ZMYM4: variants seen among roughly 807,000 people sequenced by gnomAD.
ZMYM4 encodes zinc finger MYM-type containing 4.
In ZMYM4, 31 loss-of-function variants were observed where a neutral mutation model predicts 183.2. The ratio of observed to expected loss-of-function variants is 0.17; its 90% confidence interval spans 0.13 to 0.23. The LOEUF (loss-of-function observed/expected upper bound fraction) is 0.23, where lower values mean the gene tolerates loss of function less well. ZMYM4 is among the 10% of genes least tolerant of loss of function. The pLI is 1.00. For synonymous variants in ZMYM4, 592 were observed against 631.2 expected, an observed-to-expected ratio of 0.94 and a Z score of 0.93; for missense variants, 1,273 against 1,840.3, an observed-to-expected ratio of 0.69 and a Z score of 5.64.
chr1:35,269,019 G>T lies in ZMYM4; in HGVS notation c.-28G>T, dbSNP rs1299123134. ...AGGTACCGCCGCCACCGCGCGGGGA[G>T]CCGCAGCGGTTCCGAGCGGGGCCCA... On this transcript the variant is annotated 5_prime_UTR_variant, in exon 1 of 30. Coordinates refer to ENST00000314607, the MANE Select transcript of ZMYM4 (RefSeq NM_005095.3). 2.0e-6 allele frequency: 3 copies of T among 1,527,934 alleles called. No homozygotes were observed. The highest frequency in any genetic ancestry group is 2.0e-5 in the Admixed American group (1 of 49,048). 94.6% of individuals were successfully genotyped at this position (1,527,934 alleles called of 1,614,324 possible). A position where few individuals can be genotyped will look rare whatever the true frequency, so the allele number is the denominator to read the frequency against.
At chr1:35,402,308 T>C (rs1012226742) in intron 23 of ZMYM4, among the ~76,000 whole-genome samples, 3 of 152,116 alleles carry the variant, frequency 2.0e-5, no homozygotes, top group African/African-American at 7.2e-5. Context: ...CTGTTGTAAA[T>C]TGTATTATTT....
In ZMYM4 at chr1:35,420,532, A is replaced by G. The variant is rs930071749; in HGVS notation, c.*855A>G. Reference sequence around the variant, plus strand: ...TGTCTCACAGCCTGAGCTGTGGTACAGAGAAATGGGGGTTCTCCTTTTATT... The same window carrying G: ...TGTCTCACAGCCTGAGCTGTGGTACGGAGAAATGGGGGTTCTCCTTTTATT... On this transcript the variant is annotated 3_prime_UTR_variant, in exon 30 of 30. Coordinates refer to ENST00000314607, the MANE Select transcript of ZMYM4 (RefSeq NM_005095.3). The G allele has an allele frequency of 6.6e-6, 1 of 152,648 alleles. No homozygotes were observed. The highest frequency in any genetic ancestry group is 1.5e-5 in the Non-Finnish European group (1 of 68,042). The allele number at this position is 152,648 out of a possible 1,614,324, so 9.5% of individuals were successfully genotyped here.
chr1:35,285,367 A>G (rs1323163913), intron 1 of ZMYM4, among the ~76,000 whole-genome samples: 1 of 152,070 alleles, frequency 6.6e-6, no homozygotes, highest in Non-Finnish European at 1.5e-5. Context: ...TGTTTTGTAC[A>G]GGTCTTTTAG....
intron 3 of ZMYM4, among the ~76,000 whole-genome samples, chr1:35,360,280 C>T (rs1287679117): frequency 6.6e-6 from 1 of 151,984 alleles, no homozygotes; most frequent in Non-Finnish European, 1.5e-5. Context: ...ACCTTACCTA[C>T]TAGTGTAGGA....
intron 1 of ZMYM4, among the ~76,000 whole-genome samples, chr1:35,303,046 G>A (rs1449337532): frequency 9.2e-5 from 14 of 151,586 alleles, no homozygotes. Context: ...AGGTTGAGGT[G>A]GGAGGATCAC....
chr1:35,275,086 G>C (rs1246960295), intron 1 of ZMYM4, among the ~76,000 whole-genome samples: 1 of 152,080 alleles, frequency 6.6e-6, no homozygotes, highest in African/African-American at 2.4e-5. Flanking sequence ...AAGTTAACTT[G>C]TTCCCTAAGA....
At chr1:35,406,356 A>C (rs1645002916) in intron 25 of ZMYM4, among the ~76,000 whole-genome samples, 2 of 152,070 alleles carry the variant, frequency 1.3e-5, no homozygotes, top group South Asian at 2.1e-4. Flanking sequence ...AGCATGTTTT[A>C]AGTTAAAAGA....
chr1:35,346,650 C>CAAAAAAA (rs746472685), intron 2 of ZMYM4, among the ~76,000 whole-genome samples: 3 of 54,146 alleles, frequency 5.5e-5, no homozygotes, highest in African/African-American at 9.4e-5. Context: ...GACTCCATCT[C>CAAAAAAA]AAAAAAAAAA....
chr1:35,276,578 G>C (rs141230490), intron 1 of ZMYM4, among the ~76,000 whole-genome samples: 1 of 151,938 alleles, frequency 6.6e-6, no homozygotes, highest in African/African-American at 2.4e-5. Flanking sequence ...TGTTTCTTAA[G>C]TTTTTCTTAA....
chr1:35,327,175 C>T (rs1642540633), intron 2 of ZMYM4, among the ~76,000 whole-genome samples: 1 of 152,198 alleles, frequency 6.6e-6, no homozygotes. Flanking sequence ...TTTCTCTCTT[C>T]AGTGCTACAG....
rs567306572 is a variant in ZMYM4 at position 35,355,890 on chromosome 1, A to G, written c.86-3035A>G. On this transcript the variant is annotated intron_variant, in intron 2 of 29. Transcript: ENST00000314607. ...TGTGAGTTAGGGATCTCATTTTTCC[A>G]TATGACTACCCTTTTCTTCAAATAC... Among the ~76,000 whole-genome samples, 5 of 152,282 alleles carry G rather than the reference A, an allele frequency of 3.3e-5. No individual in the cohort carries two copies. In the South Asian group the frequency reaches 1.0e-3, roughly 32 times the overall value.
chr1:35,327,335 G>A (rs186564962), intron 2 of ZMYM4, among the ~76,000 whole-genome samples: 1 of 152,232 alleles, frequency 6.6e-6, no homozygotes, highest in Non-Finnish European at 1.5e-5. Context: ...TATACTTGTT[G>A]AAGCATTCTG....
At chr1:35,343,816 A>T (rs1643292004) in intron 2 of ZMYM4, among the ~76,000 whole-genome samples, 1 of 151,516 alleles carries the variant, frequency 6.6e-6, no homozygotes, top group Non-Finnish European at 1.5e-5. Context: ...GTGAGCTGAG[A>T]TCACGCCACT....
chr1:35,355,020 CTTTATTT>C (rs1198776486), intron 2 of ZMYM4, among the ~76,000 whole-genome samples: 2 of 151,234 alleles, frequency 1.3e-5, no homozygotes, highest in Admixed American at 1.3e-4. Context: ...AGCTGCAAGA[CTTTATTT>C]TTTATTTTTA....
chr1:35,385,676 A>G (rs1434754784), intron 10 of ZMYM4, 84 bp downstream of exon 10: 7 of 1,426,454 alleles, frequency 4.9e-6, no homozygotes, highest in Non-Finnish European at 6.5e-6. Flanking sequence ...TTTTTGGTTG[A>G]TTTTTAAGGC....
At chr1:35,348,883 C>CTAA (rs1465556634) in intron 2 of ZMYM4, among the ~76,000 whole-genome samples, 4 of 152,188 alleles carry the variant, frequency 2.6e-5, no homozygotes, top group African/African-American at 9.7e-5. Flanking sequence ...TTTAGAAAAA[C>CTAA]TAAGCAAGTC....
At position 35,366,781 on chromosome 1, in the gene ZMYM4, C is replaced by T. The variant is rs183071484; in HGVS notation, c.841-3248C>T. On this transcript the variant is annotated intron_variant, in intron 5 of 29. Transcript: ENST00000314607. ...AATCCTAACACTTTGGGAGGCCAAG[C>T]GGGGGGCGAATCACTTGAGGTCAGG... 3.6e-3 allele frequency among the ~76,000 whole-genome samples: 554 copies of T among 152,070 alleles called. 3 individuals are homozygous for T. The highest frequency in any genetic ancestry group is 0.011 in the South Asian group (55 of 4,814).
At chr1:35,344,633 A>C (rs1643327749) in intron 2 of ZMYM4, among the ~76,000 whole-genome samples, 1 of 151,808 alleles carries the variant, frequency 6.6e-6, no homozygotes, top group Admixed American at 6.6e-5. Flanking sequence ...TAATATGAAG[A>C]TGAATTTTTA....
intron 11 of ZMYM4, among the ~76,000 whole-genome samples, chr1:35,386,555 T>C (rs569196448): frequency 2.0e-5 from 3 of 152,196 alleles, no homozygotes; most frequent in South Asian, 2.1e-4. Context: ...TCCCCCAACA[T>C]TGGGGATTAC....
Sources: allele counts gnomAD v4.1 joint callset (sites outside exome capture counted in the v4.1 genomes callset), GRCh38; gene constraint gnomAD v4.1.1; transcripts MANE v1.5; gene names NCBI Gene and HGNC (gene_info 2026-07-23, HGNC 2026-07-21).